Variants in DHRS4L2 observed in about 807,000 individuals in gnomAD.
The protein encoded by DHRS4L2 is dehydrogenase/reductase SDR family member 4-like 2.
A neutral mutation model predicts 23.9 loss-of-function variants in DHRS4L2; 22 were observed. The observed-to-expected ratio is 0.92, with a 90% CI of 0.66 to 1.31. The LOEUF (loss-of-function observed/expected upper bound fraction) is 1.31, where lower values mean the gene tolerates loss of function less well. Among genes scored for constraint, DHRS4L2 ranks in the 40% most tolerant of loss-of-function variants. The pLI, the probability that DHRS4L2 is intolerant of heterozygous loss-of-function variation, is 0.00. For synonymous variants in DHRS4L2, 141 were observed against 123.7 expected (o/e 1.14, Z -0.93); for missense variants, 385 against 303.3 (o/e 1.27, Z -2.00).
At chr14:23,971,692 G>T (rs948925161) in intron 1 of DHRS4L2, among the ~76,000 whole-genome samples, 2 of 152,016 alleles carry the variant, frequency 1.3e-5, no homozygotes, top group Non-Finnish European at 2.9e-5. Flanking sequence ...TGAAAGAAAA[G>T]ATTTTTGAAA....
intron 1 of DHRS4L2, among the ~76,000 whole-genome samples, chr14:23,989,586 T>A (rs547175522): frequency 6.6e-6 from 1 of 151,422 alleles, no homozygotes; most frequent in Admixed American, 6.6e-5. Context: ...CTCACCCACC[T>A]CTCTTGTCAG....
intron 3 of DHRS4L2, 56 bp downstream of exon 3, chr14:23,995,189 C>T: frequency 1.3e-6 from 2 of 1,580,522 alleles, no homozygotes; most frequent in Admixed American, 3.3e-5. Flanking sequence ...TCAGCACAAA[C>T]TCCATCTGCT....
chr14:23,972,716 G>A (rs1233410715), intron 1 of DHRS4L2, among the ~76,000 whole-genome samples: 1 of 151,970 alleles, frequency 6.6e-6, no homozygotes, highest in Non-Finnish European at 1.5e-5. Flanking sequence ...CCAAGGACCT[G>A]CACCGGCACC....
chr14:23,982,948 A>C (rs1418738963), intron 1 of DHRS4L2, among the ~76,000 whole-genome samples: 2 of 151,660 alleles, frequency 1.3e-5, no homozygotes, highest in Admixed American at 1.3e-4. Context: ...AACCTAGGCC[A>C]TACCATTCAG....
At chr14:23,973,459 C>T (rs1311063858) in intron 1 of DHRS4L2, among the ~76,000 whole-genome samples, 1 of 151,924 alleles carries the variant, frequency 6.6e-6, no homozygotes, top group Non-Finnish European at 1.5e-5. Flanking sequence ...CTGAAGGGCT[C>T]CTCAAGCGTG....
intron 1 of DHRS4L2, among the ~76,000 whole-genome samples, chr14:23,989,685 A>C (rs1229614606): frequency 4.0e-5 from 6 of 151,844 alleles, no homozygotes; most frequent in African/African-American, 1.5e-4. Context: ...AATGGCTGAC[A>C]ACTGCAGAAT....
intron 3 of DHRS4L2, among the ~76,000 whole-genome samples, chr14:23,996,797 T>A (rs536285434): frequency 1.3e-5 from 2 of 151,722 alleles, no homozygotes; most frequent in Non-Finnish European, 3.0e-5. Flanking sequence ...TGTGCCATCA[T>A]GCCTGGCTAA....
intron 1 of DHRS4L2, among the ~76,000 whole-genome samples, chr14:23,972,934 G>T (rs1457134735): frequency 6.6e-6 from 1 of 151,904 alleles, no homozygotes; most frequent in Non-Finnish European, 1.5e-5. Context: ...CAAACATGTC[G>T]GTGGAGTAAA....
chr14:23,993,961 C>A (rs771418305), intron 2 of DHRS4L2, among the ~76,000 whole-genome samples: 17 of 151,614 alleles, frequency 1.1e-4, no homozygotes, highest in Non-Finnish European at 2.4e-4. Context: ...GAAAAAATCA[C>A]TTCACCCCTC....
intron 2 of DHRS4L2, among the ~76,000 whole-genome samples, chr14:23,993,444 A>G (rs376730288): frequency 6.6e-6 from 1 of 151,690 alleles, no homozygotes; most frequent in African/African-American, 2.4e-5. Flanking sequence ...GATGGTGTAC[A>G]TTGTTAGTAA....
intron 1 of DHRS4L2, among the ~76,000 whole-genome samples, chr14:23,980,761 A>C (rs562970684): frequency 6.6e-6 from 1 of 151,574 alleles, no homozygotes; most frequent in South Asian, 2.1e-4. Context: ...ACAGCCTTTC[A>C]TGCTAAAAAC....
chr14:23,989,048 T>G lies in DHRS4L2; in HGVS notation c.101T>G (p.Val34Gly), dbSNP rs763776144. 1.3e-6 allele frequency: 2 copies of G among 1,592,928 alleles called. No individual in the cohort carries two copies. Residue 34 changes from valine to glycine, a missense_variant, in exon 1 of 8, where the codon GTG (valine) becomes GGG (glycine). By Grantham distance (109) the Val-to-Gly change is moderately radical. Transcript: ENST00000335125. ...MTRRDPLTNK[V>G]ALVTASTDGI... is the part of the protein sequence containing the mutation. ...CGCCGGGACCCGCTCACAAATAAGG[T>G]GGCCCTGGTAACGGCCTCCACCGAC... is the stretch of plus-strand genomic sequence containing the variant.
chr14:23,989,550 C>T (rs561626931), intron 1 of DHRS4L2, among the ~76,000 whole-genome samples: 14 of 151,660 alleles, frequency 9.2e-5, no homozygotes, highest in Non-Finnish European at 1.8e-4. Flanking sequence ...GTCGGTACAT[C>T]TGGGCCTACC....
At chr14:23,995,490 T>A (rs1186698553) in intron 3 of DHRS4L2, among the ~76,000 whole-genome samples, 1 of 151,866 alleles carries the variant, frequency 6.6e-6, no homozygotes, top group Admixed American at 6.6e-5. Context: ...ACCTGTCCTC[T>A]TTTCAGCTGA....
At chr14:23,988,855 G>A, upstream of DHRS4L2, 1 of 1,505,766 alleles carries the variant, frequency 6.6e-7, no homozygotes, top group East Asian at 2.4e-5. Flanking sequence ...GAAGGGGGCA[G>A]GCAGGGAAGC....
chr14:23,984,974 A>G (rs1318563432), upstream of DHRS4L2, among the ~76,000 whole-genome samples: 3 of 151,358 alleles, frequency 2.0e-5, no homozygotes, highest in Non-Finnish European at 4.4e-5. Context: ...CTTCGTATTT[A>G]CTGAGTAAAG....
chr14:23,986,077 A>C (rs1321310663), upstream of DHRS4L2, among the ~76,000 whole-genome samples: 1 of 151,384 alleles, frequency 6.6e-6, no homozygotes, highest in African/African-American at 2.4e-5. Context: ...AGCTGGTCTC[A>C]AACTCCTGAC....
chr14:23,998,055 A>G (rs1339739545), intron 3 of DHRS4L2, among the ~76,000 whole-genome samples: 2 of 151,920 alleles, frequency 1.3e-5, no homozygotes, highest in Admixed American at 6.5e-5. Context: ...AGGCATGAAA[A>G]CAACATTAAT....
chr14:24,000,563 C>T (rs2034465423), intron 3 of DHRS4L2, among the ~76,000 whole-genome samples: 1 of 151,934 alleles, frequency 6.6e-6, no homozygotes, highest in Non-Finnish European at 1.5e-5. Flanking sequence ...ACAGAGAAAA[C>T]ACAGCTCAAA....
Sources: gnomAD v4.1 joint callset for allele counts (sites outside exome capture counted in the v4.1 genomes callset) on GRCh38, gnomAD v4.1.1 for gene constraint, MANE v1.5 for transcripts, NCBI Gene and HGNC (gene_info 2026-07-23, HGNC 2026-07-21) for gene names.